PLAUR: variants seen among roughly 807,000 people sequenced by gnomAD.
PLAUR encodes urokinase plasminogen activator surface receptor.
In PLAUR, 22 loss-of-function variants were observed where a neutral mutation model predicts 33.4. The observed-to-expected ratio is 0.66, with a 90% confidence interval of 0.47 to 0.94. PLAUR has a LOEUF of 0.94. Ranked by LOEUF, PLAUR falls within the 40% of genes least tolerant of loss-of-function variation. The pLI, the probability that PLAUR is intolerant of heterozygous loss-of-function variation, is 0.00. For synonymous variants in PLAUR, 148 were observed against 167.3 expected, an observed-to-expected ratio of 0.88 and a Z score of 0.89; for missense variants, 408 against 434.7, an observed-to-expected ratio of 0.94 and a Z score of 0.55.
intron 6 of PLAUR, chr19:43,651,650 T>G (rs1973999553): frequency 4.6e-6 from 1 of 215,140 alleles, no homozygotes; most frequent in Admixed American, 6.6e-5. Context: ...TGGCCAGGCT[T>G]GCTCTCATAC....
In PLAUR at chr19:43,657,533, G is replaced by T. The variant is rs191513161; in HGVS notation, c.311-893C>A. 4.2e-4 allele frequency among the ~76,000 whole-genome samples: 64 copies of T among 152,246 alleles called. 1 individual carries two copies. The highest frequency in any genetic ancestry group is 1.3e-3 in the Admixed American group (20 of 15,288). ...CTAGAACACCTTTCCTTTGCTCTCT[G>T]CCTTCCCTAACTCCTACTCATTCTT... On this transcript the variant is annotated intron_variant, in intron 3 of 6. Coordinates refer to ENST00000340093, the MANE Select transcript of PLAUR (RefSeq NM_002659.4).
At chr19:43,669,809 CAAA>C (rs59728904) in intron 1 of PLAUR, among the ~76,000 whole-genome samples, 943 of 71,280 alleles carry the variant, frequency 0.013, 19 homozygotes, top group African/African-American at 0.047. Context: ...GAGACTCTGT[CAAA>C]AAAAAAAAAA....
chr19:43,660,600 G>C (rs1966937050), intron 3 of PLAUR: 1 of 151,574 alleles, frequency 6.6e-6, no homozygotes, highest in Non-Finnish European at 1.5e-5. Context: ...TCTGACCTGG[G>C]CTGCTTCAAC....
intron 6 of PLAUR, among the ~76,000 whole-genome samples, chr19:43,651,002 T>C (rs972420631): frequency 2.7e-5 from 4 of 148,544 alleles, no homozygotes; most frequent in African/African-American, 9.9e-5. Context: ...CACTGCACTC[T>C]AGCCTGGCGA....
chr19:43,646,780 G>T (rs1174451452), downstream of PLAUR, among the ~76,000 whole-genome samples: 3 of 148,774 alleles, frequency 2.0e-5, no homozygotes, highest in African/African-American at 7.4e-5. Context: ...AAATACCATG[G>T]AAGATGTCTT....
chr19:43,649,283 G>T lies in PLAUR; in HGVS notation c.755-140C>A, dbSNP rs1973892985. On this transcript the variant is annotated intron_variant, in intron 6 of 6. Coordinates refer to ENST00000340093, the MANE Select transcript of PLAUR (RefSeq NM_002659.4). ...AGCAGCAGTTCTCAGGGCCAGGTGT[G>T]GTGGCTCATGCCTGTAATCTCAACA... is the stretch of plus-strand genomic sequence containing the variant. 1.1e-5 allele frequency: 10 copies of T among 933,592 alleles called. No homozygotes were observed. In the Admixed American group the frequency reaches 1.2e-4, roughly 11 times the overall value. The allele number at this position is 933,592 out of a possible 1,614,324, so 57.8% of individuals were successfully genotyped here.
At chr19:43,669,809 C>CAAAAAAAAA (rs59728904) in intron 1 of PLAUR, among the ~76,000 whole-genome samples, 1 of 71,192 alleles carries the variant, frequency 1.4e-5, no homozygotes. Context: ...GAGACTCTGT[C>CAAAAAAAAA]AAAAAAAAAA....
intron 5 of PLAUR, among the ~76,000 whole-genome samples, chr19:43,653,910 G>A (rs1053677735): frequency 6.6e-6 from 1 of 151,680 alleles, no homozygotes; most frequent in Non-Finnish European, 1.5e-5. Context: ...CGGATCATGA[G>A]GTCAGGAGAT....
intron 3 of PLAUR, 106 bp downstream of exon 3, chr19:43,665,210 G>T: frequency 8.5e-7 from 1 of 1,169,810 alleles, no homozygotes; most frequent in Non-Finnish European, 1.3e-6. Flanking sequence ...GATAAGGCAT[G>T]GAGTTGGGGT....
chr19:43,657,914 T>C (rs1974277640), intron 3 of PLAUR, among the ~76,000 whole-genome samples: 1 of 152,076 alleles, frequency 6.6e-6, no homozygotes, highest in African/African-American at 2.4e-5. Flanking sequence ...CCTTAAAGAA[T>C]AGGGCTGGCT....
chr19:43,668,440 C>T (rs1208449872), intron 1 of PLAUR: 1 of 292,120 alleles, frequency 3.4e-6, no homozygotes, highest in African/African-American at 2.3e-5. Context: ...GCCCCTAGCT[C>T]CTCCTCGAGG....
intron 3 of PLAUR, chr19:43,656,950 T>C (rs1974239930): frequency 5.2e-6 from 1 of 192,442 alleles, no homozygotes; most frequent in East Asian, 1.3e-4. Context: ...CCTTTTTTTT[T>C]TTTTTTTTCC....
At chr19:43,669,489 G>C (rs1967424600) in intron 1 of PLAUR, among the ~76,000 whole-genome samples, 1 of 152,136 alleles carries the variant, frequency 6.6e-6, no homozygotes, top group Non-Finnish European at 1.5e-5. Flanking sequence ...AAATTGCAAG[G>C]AAGAGGCTTC....
At chr19:43,666,897 G>T (rs561855258) in intron 2 of PLAUR, among the ~76,000 whole-genome samples, 2 of 141,038 alleles carry the variant, frequency 1.4e-5, no homozygotes, top group South Asian at 4.5e-4. Flanking sequence ...TCATTTTTTT[G>T]ACAGGATCTC....
chr19:43,649,604 GGAAGGGAA>G (rs1973906494), intron 6 of PLAUR, among the ~76,000 whole-genome samples: 1 of 147,326 alleles, frequency 6.8e-6, no homozygotes, highest in Non-Finnish European at 1.5e-5. Flanking sequence ...AAGGAAGGGA[GGAAGGGAA>G]GAAGGGAAAG....
At chr19:43,648,555 C>T, downstream of PLAUR, 1 of 1,004,296 alleles carries the variant, frequency 1.0e-6, no homozygotes, top group African/African-American at 1.7e-5. Context: ...ATAGACACTA[C>T]AAAGAAGGGC....
intron 2 of PLAUR, 85 bp downstream of exon 2, chr19:43,667,496 G>T: frequency 1.1e-6 from 1 of 895,036 alleles, no homozygotes. Context: ...TAGTTTGCAT[G>T]TCCCAGTTAC....
At chr19:43,665,854 G>T (rs1027230163) in intron 2 of PLAUR, among the ~76,000 whole-genome samples, 7 of 148,982 alleles carry the variant, frequency 4.7e-5, no homozygotes, top group Non-Finnish European at 8.9e-5. Flanking sequence ...TATACAGATG[G>T]CATCTCACTA....
intron 3 of PLAUR, among the ~76,000 whole-genome samples, chr19:43,659,383 A>T (rs916056275): frequency 2.0e-5 from 3 of 151,680 alleles, no homozygotes; most frequent in Admixed American, 6.6e-5. Context: ...GAACTCCTGG[A>T]CTCAAATGAT....
Sources: allele counts gnomAD v4.1 joint callset (sites outside exome capture counted in the v4.1 genomes callset), GRCh38; gene constraint gnomAD v4.1.1; transcripts MANE v1.5; gene names NCBI Gene and HGNC (gene_info 2026-07-23, HGNC 2026-07-21).